GRAMD1C: variants seen among roughly 807,000 people sequenced by gnomAD.
The protein encoded by GRAMD1C is protein Aster-C.
In GRAMD1C, 89 loss-of-function variants were observed where a neutral mutation model predicts 97.8. The ratio of observed to expected loss-of-function variants is 0.91; its 90% CI spans 0.77 to 1.09. The LOEUF (loss-of-function observed/expected upper bound fraction) is 1.09, where lower values mean the gene tolerates loss of function less well. Among genes scored for constraint, GRAMD1C ranks in the 50% least tolerant of loss-of-function variants. The pLI is 0.00. For synonymous variants in GRAMD1C, 256 were observed against 267.0 expected, an observed-to-expected ratio of 0.96 and a Z score of 0.40; for missense variants, 740 against 766.4, an observed-to-expected ratio of 0.97 and a Z score of 0.41.
intron 14 of GRAMD1C, among the ~76,000 whole-genome samples, chr3:113,937,675 T>G (rs1438281870): frequency 6.6e-6 from 1 of 152,240 alleles, no homozygotes; most frequent in Non-Finnish European, 1.5e-5. Flanking sequence ...TTTTTAAAAG[T>G]TCTTTTTCAG....
At chr3:113,897,486 A>G in intron 6 of GRAMD1C, 1 of 978,422 alleles carries the variant, frequency 1.0e-6, no homozygotes, top group Non-Finnish European at 1.2e-6. Flanking sequence ...GTGAGGTATA[A>G]CTTCCAATTC....
intron 8 of GRAMD1C, among the ~76,000 whole-genome samples, chr3:113,908,086 C>T (rs764642340): frequency 3.3e-5 from 5 of 152,134 alleles, no homozygotes; most frequent in Non-Finnish European, 7.4e-5. Flanking sequence ...CCTGTATCCT[C>T]CCTGGAGCTG....
intron 6 of GRAMD1C, among the ~76,000 whole-genome samples, chr3:113,889,124 G>T (rs537714237): frequency 2.6e-5 from 4 of 152,068 alleles, no homozygotes; most frequent in African/African-American, 4.8e-5. Context: ...CACTTGAACC[G>T]GGTAGGCAGA....
chr3:113,942,211 G>C (rs1022291853), intron 17 of GRAMD1C, among the ~76,000 whole-genome samples: 1 of 150,588 alleles, frequency 6.6e-6, no homozygotes, highest in Admixed American at 6.6e-5. Flanking sequence ...ACTGCTCCCA[G>C]CTGCAATTTT....
At chr3:113,834,855 G>A (rs1487651137), upstream of GRAMD1C, among the ~76,000 whole-genome samples, 1 of 150,458 alleles carries the variant, frequency 6.6e-6, no homozygotes, top group Non-Finnish European at 1.5e-5. Context: ...CAGGAGAATC[G>A]CTTGAACACA....
At chr3:113,886,054 G>T in intron 6 of GRAMD1C, 1 of 1,437,920 alleles carries the variant, frequency 7.0e-7, no homozygotes, top group Non-Finnish European at 9.3e-7. Context: ...CTCCACTTGG[G>T]TTGGGGTGGG....
At chr3:113,912,106 T>G (rs973386896) in intron 9 of GRAMD1C, among the ~76,000 whole-genome samples, 1 of 152,144 alleles carries the variant, frequency 6.6e-6, no homozygotes, top group African/African-American at 2.4e-5. Context: ...CAGAATAATT[T>G]GCGGCTACAC....
intron 1 of GRAMD1C, among the ~76,000 whole-genome samples, chr3:113,840,190 A>G (rs572336044): frequency 6.6e-6 from 1 of 151,494 alleles, no homozygotes; most frequent in South Asian, 2.1e-4. Flanking sequence ...ATGGTCTTGA[A>G]CTCCTGACCT....
At chr3:113,872,901 G>A (rs1277604042) in intron 3 of GRAMD1C, among the ~76,000 whole-genome samples, 1 of 141,742 alleles carries the variant, frequency 7.1e-6, no homozygotes, top group South Asian at 2.3e-4. Flanking sequence ...GTGAAACCCT[G>A]TGTCTACTAA....
At chr3:113,907,369 T>G (rs943646971) in intron 8 of GRAMD1C, among the ~76,000 whole-genome samples, 2 of 152,242 alleles carry the variant, frequency 1.3e-5, no homozygotes, top group African/African-American at 2.4e-5. Flanking sequence ...TTGCAAAACT[T>G]ATTCATCTAG....
intron 2 of GRAMD1C, among the ~76,000 whole-genome samples, chr3:113,850,014 C>G: frequency 8.4e-6 from 1 of 119,530 alleles, no homozygotes; most frequent in East Asian, 2.3e-4. Flanking sequence ...GCTGGCCGGG[C>G]GGGGGGCTGA....
chr3:113,834,038 C>T (rs933744618), upstream of GRAMD1C, among the ~76,000 whole-genome samples: 3 of 152,168 alleles, frequency 2.0e-5, no homozygotes, highest in Admixed American at 2.0e-4. Context: ...AACTATTCTT[C>T]TAGGAATAAC....
intron 2 of GRAMD1C, among the ~76,000 whole-genome samples, chr3:113,849,824 G>T (rs1254608142): frequency 6.6e-6 from 1 of 152,174 alleles, no homozygotes; most frequent in Admixed American, 6.5e-5. Flanking sequence ...TCCCAGACGG[G>T]GTGGTGGCCT....
At chr3:113,846,980 C>T (rs939285611) in intron 2 of GRAMD1C, among the ~76,000 whole-genome samples, 18 of 152,128 alleles carry the variant, frequency 1.2e-4, no homozygotes, top group African/African-American at 4.1e-4. Flanking sequence ...AAAAAGACCC[C>T]ATATAGCTAA....
At chr3:113,903,249 A>G (rs1483245569) in intron 7 of GRAMD1C, among the ~76,000 whole-genome samples, 1 of 151,908 alleles carries the variant, frequency 6.6e-6, no homozygotes, top group East Asian at 1.9e-4. Flanking sequence ...TTGGGATTAC[A>G]GGCATGAGCC....
chr3:113,880,176 A>G (rs1196904474), intron 5 of GRAMD1C, among the ~76,000 whole-genome samples: 1 of 152,174 alleles, frequency 6.6e-6, no homozygotes, highest in East Asian at 1.9e-4. Context: ...TTAATACATA[A>G]TATACCTTTT....
At chr3:113,910,026 G>A (rs955677988) in intron 9 of GRAMD1C, among the ~76,000 whole-genome samples, 1 of 152,090 alleles carries the variant, frequency 6.6e-6, no homozygotes, top group Non-Finnish European at 1.5e-5. Context: ...ACTTTCAGAG[G>A]AACATTCTAT....
intron 12 of GRAMD1C, among the ~76,000 whole-genome samples, chr3:113,934,148 T>A (rs1168993201): frequency 6.6e-6 from 1 of 152,244 alleles, no homozygotes; most frequent in Non-Finnish European, 1.5e-5. Context: ...GAAAATTTAG[T>A]ATTTATTTTG....
chr3:113,842,792 A>G (rs542680923), intron 1 of GRAMD1C, among the ~76,000 whole-genome samples: 34 of 152,062 alleles, frequency 2.2e-4, no homozygotes, highest in Admixed American at 4.6e-4. Context: ...GTGAAACTCC[A>G]TCTCTACTAA....
Sources: gnomAD v4.1 joint callset for allele counts (sites outside exome capture counted in the v4.1 genomes callset) on GRCh38, gnomAD v4.1.1 for gene constraint, MANE v1.5 for transcripts, NCBI Gene and HGNC (gene_info 2026-07-23, HGNC 2026-07-21) for gene names.